Variants in DCLK1 observed in about 807,000 individuals in gnomAD.
DCLK1 encodes doublecortin like kinase 1.
A neutral mutation model predicts 86.2 loss-of-function variants in DCLK1; 16 were observed. That is an observed-to-expected ratio of 0.19 (90% CI 0.13 to 0.28). The LOEUF (loss-of-function observed/expected upper bound fraction) is 0.28. DCLK1 is among the 10% of genes least tolerant of loss of function. The pLI, the probability that DCLK1 is intolerant of heterozygous loss-of-function variation, is 1.00. For synonymous variants in DCLK1, 369 were observed against 370.5 expected (o/e 1.00, Z 0.05); for missense variants, 590 against 940.2 (o/e 0.63, Z 4.87).
chr13:36,068,952 A>C (rs1883864835), intron 3 of DCLK1, among the ~76,000 whole-genome samples: 1 of 152,366 alleles, frequency 6.6e-6, no homozygotes, highest in South Asian at 2.1e-4. Context: ...CTGTTTTTAA[A>C]TATAGCAGTC....
intron 3 of DCLK1, among the ~76,000 whole-genome samples, chr13:36,077,880 A>C (rs1233262779): frequency 6.6e-6 from 1 of 152,228 alleles, no homozygotes; most frequent in Non-Finnish European, 1.5e-5. Context: ...GTGCAATGTC[A>C]TGAACATTAA....
chr13:35,941,247 G>A (rs1877064017), intron 4 of DCLK1, among the ~76,000 whole-genome samples: 1 of 152,100 alleles, frequency 6.6e-6, no homozygotes, highest in Admixed American at 6.5e-5. Context: ...AACCTAATAG[G>A]TTCTAGCCCT....
intron 15 of DCLK1, among the ~76,000 whole-genome samples, chr13:35,795,714 A>T (rs1385125627): frequency 2.6e-5 from 4 of 152,170 alleles, no homozygotes; most frequent in Non-Finnish European, 5.9e-5. Context: ...TGAGGTCGGG[A>T]GTACGAGACC....
intron 2 of DCLK1, among the ~76,000 whole-genome samples, chr13:36,124,687 A>G (rs1161756781): frequency 6.6e-6 from 1 of 152,214 alleles, no homozygotes. Flanking sequence ...TCCTGGACCC[A>G]GTTGAGTTAC....
chr13:36,131,905 G>A (rs1436626308), upstream of DCLK1, among the ~76,000 whole-genome samples: 1 of 152,200 alleles, frequency 6.6e-6, no homozygotes, highest in African/African-American at 2.4e-5. Context: ...TATGCACTCT[G>A]GTGCCCCCCA....
At chr13:36,056,135 T>A (rs28689514) in intron 3 of DCLK1, among the ~76,000 whole-genome samples, 1 of 132,992 alleles carries the variant, frequency 7.5e-6, no homozygotes, top group Non-Finnish European at 1.6e-5. Flanking sequence ...CAAATGACTA[T>A]AAATCATGCT....
At chr13:35,963,674 G>C (rs529262738) in intron 3 of DCLK1, among the ~76,000 whole-genome samples, 2 of 152,168 alleles carry the variant, frequency 1.3e-5, no homozygotes, top group Non-Finnish European at 2.9e-5. Flanking sequence ...GAAAGACCTT[G>C]TGGGAAATGA....
chr13:35,808,655 C>T (rs950546999), intron 13 of DCLK1, among the ~76,000 whole-genome samples: 17 of 152,010 alleles, frequency 1.1e-4, no homozygotes, highest in Non-Finnish European at 1.6e-4. Flanking sequence ...TGGCGGCGCA[C>T]GCCTGTGATC....
At chr13:36,040,166 T>C (rs955449181) in intron 3 of DCLK1, among the ~76,000 whole-genome samples, 2 of 151,598 alleles carry the variant, frequency 1.3e-5, no homozygotes, top group Non-Finnish European at 2.9e-5. Context: ...TTAACTGAAG[T>C]CCATATTTCA....
At chr13:35,805,361 A>G (rs1011563078) in intron 15 of DCLK1, 5 of 246,388 alleles carry the variant, frequency 2.0e-5, no homozygotes, top group African/African-American at 8.9e-5. Context: ...CAGTGGCACG[A>G]TCTTGGCTTA....
chr13:35,798,031 G>A (rs1042622933), intron 15 of DCLK1, among the ~76,000 whole-genome samples: 1 of 152,128 alleles, frequency 6.6e-6, no homozygotes, highest in African/African-American at 2.4e-5. Context: ...TCTGAAGTTC[G>A]ACACAGGCTG....
At chr13:35,853,924 T>C (rs1870853306) in intron 6 of DCLK1, among the ~76,000 whole-genome samples, 1 of 152,156 alleles carries the variant, frequency 6.6e-6, no homozygotes, top group Non-Finnish European at 1.5e-5. Context: ...CCCTCTTCCT[T>C]AGGGTGGAGA....
intron 3 of DCLK1, among the ~76,000 whole-genome samples, chr13:36,004,735 C>T (rs1272558597): frequency 2.0e-5 from 3 of 152,198 alleles, no homozygotes; most frequent in Non-Finnish European, 4.4e-5. Context: ...ACCACCATGC[C>T]CAGATAATTT....
chr13:35,912,146 C>T lies in DCLK1; in HGVS notation c.823+35212G>A, dbSNP rs568335996. ...CCTTCCTTGAATTCTTTGCATCCTC[C>T]TCATGGTCCTCAGCATAGAGTTTGG... On this transcript the variant is annotated intron_variant, in intron 4 of 16. Transcript: ENST00000360631. 4.6e-5 allele frequency among the ~76,000 whole-genome samples: 7 copies of T among 152,294 alleles called. 1 individual carries two copies. In the South Asian group the frequency reaches 6.2e-4, roughly 14 times the overall value.
intron 6 of DCLK1, chr13:35,846,961 A>G (rs1593656021): frequency 3.0e-6 from 3 of 985,230 alleles, no homozygotes; most frequent in South Asian, 9.4e-5. Flanking sequence ...CATATCAAAT[A>G]TACTCTGGAT....
intron 3 of DCLK1, among the ~76,000 whole-genome samples, chr13:35,961,190 G>A (rs996156259): frequency 1.3e-5 from 2 of 152,140 alleles, no homozygotes; most frequent in Admixed American, 6.5e-5. Flanking sequence ...GGATAATATT[G>A]CATCTACCTC....
chr13:35,806,866 A>G (rs1593609899), intron 14 of DCLK1, among the ~76,000 whole-genome samples: 1 of 151,746 alleles, frequency 6.6e-6, no homozygotes, highest in Non-Finnish European at 1.5e-5. Context: ...TTTCTCTGAC[A>G]CTCCCTTTCT....
intron 3 of DCLK1, among the ~76,000 whole-genome samples, chr13:36,072,246 G>A (rs1039993626): frequency 3.3e-5 from 5 of 152,162 alleles, no homozygotes; most frequent in African/African-American, 1.2e-4. Flanking sequence ...CATTAGCAGT[G>A]TATGCACAAG....
chr13:35,984,268 T>G (rs1292279679), intron 3 of DCLK1, among the ~76,000 whole-genome samples: 1 of 152,216 alleles, frequency 6.6e-6, no homozygotes, highest in East Asian at 1.9e-4. Flanking sequence ...AACGGAATCC[T>G]CTGGGCATCC....
Sources: gnomAD v4.1 joint callset for allele counts (sites outside exome capture counted in the v4.1 genomes callset) on GRCh38, gnomAD v4.1.1 for gene constraint, MANE v1.5 for transcripts, NCBI Gene and HGNC (gene_info 2026-07-23, HGNC 2026-07-21) for gene names.